The following RYR3 variants were observed in gnomAD, a reference collection of about 807,000 sequenced individuals.
RYR3 encodes the protein brain ryanodine receptor-calcium release channel.
A neutral mutation model predicts 584.3 loss-of-function variants in RYR3; 207 were observed. The ratio of observed to expected loss-of-function variants is 0.35; its 90% CI spans 0.32 to 0.40. RYR3 has a LOEUF of 0.40. RYR3 is among the 10% of genes least tolerant of loss of function. RYR3 has a pLI of 1.00. For synonymous variants in RYR3, 2,416 were observed against 2,248.5 expected (o/e 1.07, Z -2.11); for missense variants, 5,616 against 6,089.2 (o/e 0.92, Z 2.59).
intron 69 of RYR3, among the ~76,000 whole-genome samples, chr15:33,805,538 T>C (rs958578569): frequency 2.8e-4 from 42 of 150,916 alleles, no homozygotes; most frequent in East Asian, 1.2e-3. Context: ...AGTACAGTGG[T>C]GCGATCTCGG....
chr15:33,844,958 G>T lies in RYR3; in HGVS notation c.13393G>T (p.Val4465Phe), dbSNP rs1327424943. The T allele has an allele frequency of 6.2e-7, 1 of 1,613,992 alleles. No individual in the cohort carries two copies. The highest frequency in any genetic ancestry group is 1.7e-5 in the Admixed American group (1 of 60,024). Residue 4465 changes from valine (V) to phenylalanine (F), a missense_variant, in exon 93 of 104, where the codon GTC becomes TTC. Coordinates refer to ENST00000634891, the MANE Select transcript of RYR3 (RefSeq NM_001036.6). ...AGAGGAAGAAGCGATGGTATTCTTT[G>T]TCCTTCAGGAGAGCACCGGGTATAT... Reference protein sequence around the residue: ...EEEEEAMVFFVLQESTGYMAP... With the variant: ...EEEEEAMVFFFLQESTGYMAP...
In RYR3 at chr15:33,733,366, G is replaced by A. The variant is rs187619953; in HGVS notation, c.7424+1672G>A. Among the ~76,000 whole-genome samples, 7 of 152,280 alleles carry A rather than the reference G, an allele frequency of 4.6e-5. No homozygotes were observed. In the East Asian group the frequency reaches 7.7e-4, roughly 17 times the overall value. On this transcript the variant is annotated intron_variant, in intron 48 of 103. Coordinates refer to ENST00000634891, the MANE Select transcript of RYR3 (RefSeq NM_001036.6). ...GCAATCAAGATGTTTCTGAGTGGGC[G>A]AATGGATAAATAAACTGTGGTACAT...
chr15:33,699,730 C>T lies in RYR3; in HGVS notation c.6276C>T (p.Ser2092=). Residue 2092 remains serine, a synonymous_variant, in exon 41 of 104, where the codon AGC becomes AGT. Coordinates refer to ENST00000634891, the MANE Select transcript of RYR3 (RefSeq NM_001036.6). The part of the protein sequence containing the change: ...SQIAFPKMVA[S]CCRFLCYFCR... Reference sequence around the variant, plus strand: ...TTGCATTTCCAAAGATGGTTGCTAGCTGCTGCCGTTTCCTTTGCTATTTCT... The same window carrying T: ...TTGCATTTCCAAAGATGGTTGCTAGTTGCTGCCGTTTCCTTTGCTATTTCT... 2 of 1,613,776 alleles carry T rather than the reference C, an allele frequency of 1.2e-6. No individual in the cohort carries two copies. Among genetic ancestry groups the T allele is most frequent in the South Asian group, 2.2e-5 (2 of 91,018 alleles).
At chr15:33,479,192 T>A (rs1314443022) in intron 2 of RYR3, among the ~76,000 whole-genome samples, 1 of 152,224 alleles carries the variant, frequency 6.6e-6, no homozygotes, top group African/African-American at 2.4e-5. Context: ...ATTATGTAGA[T>A]GACATAAATT....
chr15:33,644,875 G>A (rs2062014101), intron 28 of RYR3, among the ~76,000 whole-genome samples: 1 of 151,766 alleles, frequency 6.6e-6, no homozygotes, highest in Non-Finnish European at 1.5e-5. Context: ...GGCTGGGTGT[G>A]GTGGCTCACA....
rs546877531 is a variant in RYR3, at chr15:33,865,818, T to C, written c.*592T>C. 1.3e-5 allele frequency: 2 copies of C among 153,028 alleles called. No individual in the cohort carries two copies. The highest frequency in any genetic ancestry group is 4.1e-4 in the South Asian group (2 of 4,840). 9.5% of individuals were successfully genotyped at this position (153,028 alleles called of 1,614,324 possible). On this transcript the variant is annotated 3_prime_UTR_variant, in exon 104 of 104. Transcript: ENST00000634891. ...CATAGCTATGCAAGTTTTTTATGTT[T>C]GTGTTCCAGAAGGACAGTTCCATTC...
chr15:33,707,140 C>A, intron 43 of RYR3, 86 bp downstream of exon 43: 2 of 1,470,636 alleles, frequency 1.4e-6, no homozygotes, highest in Non-Finnish European at 1.9e-6. Flanking sequence ...CTTTCCATTG[C>A]TTCTTATCTG....
chr15:33,351,740 G>A (rs1595817573), intron 1 of RYR3, among the ~76,000 whole-genome samples: 7 of 149,012 alleles, frequency 4.7e-5, no homozygotes, highest in East Asian at 2.0e-4. Flanking sequence ...CAATAAATTA[G>A]GTATTGATGG....
chr15:33,520,691 C>T (rs546735867), intron 3 of RYR3, among the ~76,000 whole-genome samples: 1 of 151,814 alleles, frequency 6.6e-6, no homozygotes, highest in South Asian at 2.1e-4. Context: ...TGGCGATTTG[C>T]TCTTTTAAAA....
chr15:33,523,335 C>T (rs2054147715), intron 3 of RYR3, among the ~76,000 whole-genome samples: 1 of 152,146 alleles, frequency 6.6e-6, no homozygotes, highest in Non-Finnish European at 1.5e-5. Context: ...TGCTGCTGCT[C>T]ACTCTTTGGG....
intron 93 of RYR3, among the ~76,000 whole-genome samples, chr15:33,846,145 A>G (rs1267243898): frequency 6.6e-6 from 1 of 152,222 alleles, no homozygotes; most frequent in African/African-American, 2.4e-5. Flanking sequence ...GCCTTTCCAC[A>G]TGATCTGTCC....
At chr15:33,626,443 G>A (rs1385095044) in intron 20 of RYR3, among the ~76,000 whole-genome samples, 5 of 152,138 alleles carry the variant, frequency 3.3e-5, no homozygotes, top group Non-Finnish European at 7.4e-5. Flanking sequence ...GAGCGTAAAA[G>A]TTTGAAAAAT....
intron 2 of RYR3, 116 bp from the exon 3 acceptor site, chr15:33,503,515 A>G (rs1222527531): frequency 9.3e-6 from 6 of 646,400 alleles, no homozygotes; most frequent in African/African-American, 9.1e-5. Context: ...TTGCATTCCT[A>G]TTCATCCATC....
At chr15:33,431,424 T>C (rs2045134979) in intron 1 of RYR3, among the ~76,000 whole-genome samples, 1 of 152,138 alleles carries the variant, frequency 6.6e-6, no homozygotes, top group African/African-American at 2.4e-5. Flanking sequence ...TATATGTATG[T>C]ATAGATATGT....
intron 49 of RYR3, 93 bp from the exon 50 acceptor site, chr15:33,738,357 C>T: frequency 7.7e-7 from 1 of 1,294,446 alleles, no homozygotes; most frequent in East Asian, 2.5e-5. Context: ...CTCATGGTCT[C>T]TGCTTACTAC....
At chr15:33,743,762 T>C (rs2070407892) in intron 52 of RYR3, among the ~76,000 whole-genome samples, 1 of 152,244 alleles carries the variant, frequency 6.6e-6, no homozygotes, top group African/African-American at 2.4e-5. Flanking sequence ...CCCAGACGAC[T>C]GGGATAAGCT....
chr15:33,791,371 CA>C (rs2075144863), intron 67 of RYR3, among the ~76,000 whole-genome samples: 3 of 151,848 alleles, frequency 2.0e-5, no homozygotes, highest in Admixed American at 6.6e-5. Context: ...GACACACACA[CA>C]CACACACACA....
At chr15:33,698,715 C>T (rs753822370) in intron 40 of RYR3, among the ~76,000 whole-genome samples, 36 of 152,244 alleles carry the variant, frequency 2.4e-4, no homozygotes, top group East Asian at 5.8e-4. Flanking sequence ...GCCAGGGTCA[C>T]GTTCCTCATG....
intron 60 of RYR3, among the ~76,000 whole-genome samples, chr15:33,761,741 C>A (rs916254801): frequency 6.6e-6 from 1 of 152,310 alleles, no homozygotes; most frequent in East Asian, 1.9e-4. Flanking sequence ...GGACTCCTCC[C>A]TAACTCATTT....
Sources: allele counts gnomAD v4.1 joint callset (sites outside exome capture counted in the v4.1 genomes callset), GRCh38; gene constraint gnomAD v4.1.1; transcripts MANE v1.5; gene names NCBI Gene and HGNC (gene_info 2026-07-23, HGNC 2026-07-21).